ZFYVE28: variants seen among roughly 807,000 people sequenced by gnomAD.
ZFYVE28 encodes lateral signaling target protein 2 homolog.
A neutral mutation model predicts 82.1 loss-of-function variants in ZFYVE28; 40 were observed. The observed-to-expected ratio is 0.49, with a 90% CI of 0.38 to 0.63. ZFYVE28 has a LOEUF of 0.63. ZFYVE28 is among the 30% of genes least tolerant of loss of function. The pLI is 0.00. For synonymous variants in ZFYVE28, 612 were observed against 546.1 expected, an observed-to-expected ratio of 1.12 and a Z score of -1.68; for missense variants, 1,321 against 1,242.1, an observed-to-expected ratio of 1.06 and a Z score of -0.96.
chr4:2,353,339 C>T (rs918332146), intron 2 of ZFYVE28, among the ~76,000 whole-genome samples: 4 of 152,180 alleles, frequency 2.6e-5, no homozygotes, highest in Non-Finnish European at 4.4e-5. Flanking sequence ...CTCCCATGGC[C>T]GCAAGGATTC....
chr4:2,303,750 C>T (rs568730336), intron 8 of ZFYVE28, among the ~76,000 whole-genome samples: 1 of 152,294 alleles, frequency 6.6e-6, no homozygotes, highest in South Asian at 2.1e-4. Context: ...GGGAATTTGC[C>T]CATGGGTGGT....
chr4:2,329,048 T>A lies in ZFYVE28; in HGVS notation c.701+6657A>T, dbSNP rs1004087515. Reference sequence around the variant, plus strand: ...TAGTAAGTTTTGAAATCAGGACGTATGAATCTTCCAATTTTGTTTTTGTTT... The same window carrying A: ...TAGTAAGTTTTGAAATCAGGACGTAAGAATCTTCCAATTTTGTTTTTGTTT... On this transcript the variant is annotated intron_variant, in intron 6 of 12. Transcript: ENST00000290974. 8 of 691,196 alleles carry A rather than the reference T, an allele frequency of 1.2e-5. No individual in the cohort carries two copies. The African/African-American group carries it at 1.4e-4, about 12-fold the overall frequency. The allele number at this position is 691,196 out of a possible 1,614,324, so 42.8% of individuals were successfully genotyped here. A position where few individuals can be genotyped will look rare whatever the true frequency, so the allele number is the denominator to read the frequency against.
intron 1 of ZFYVE28, among the ~76,000 whole-genome samples, chr4:2,374,874 C>G (rs1482483447): frequency 6.6e-6 from 1 of 152,176 alleles, no homozygotes; most frequent in African/African-American, 2.4e-5. Context: ...ATGCCACATT[C>G]GGCTCCTCCT....
chr4:2,388,884 C>CG (rs1469166791), intron 1 of ZFYVE28, among the ~76,000 whole-genome samples: 1 of 152,134 alleles, frequency 6.6e-6, no homozygotes, highest in Admixed American at 6.5e-5. Context: ...AATTTCAACC[C>CG]GAAATCTAGG....
At chr4:2,412,778 T>C (rs1321738097) in intron 1 of ZFYVE28, among the ~76,000 whole-genome samples, 1 of 152,052 alleles carries the variant, frequency 6.6e-6, no homozygotes, top group Non-Finnish European at 1.5e-5. Context: ...ACATCCGGTA[T>C]TCTGGGAATT....
rs114728265 is a variant in ZFYVE28, at chr4:2,309,774, G to A, written c.804-4238C>T. On this transcript the variant is annotated intron_variant, in intron 7 of 12. Transcript: ENST00000290974. ...ACAACACACACACAGAGATACGCAC[G>A]GACGAAATCTGTTTCTATATCTATC... 8.3e-3 allele frequency among the ~76,000 whole-genome samples: 1,256 copies of A among 152,238 alleles called. 10 individuals carry two copies. The highest frequency in any genetic ancestry group is 0.013 in the Admixed American group (201 of 15,296).
At chr4:2,285,483 C>T (rs1712586928) in intron 8 of ZFYVE28, 1 of 152,308 alleles carries the variant, frequency 6.6e-6, no homozygotes, top group African/African-American at 2.4e-5. Flanking sequence ...AAGCTGATTT[C>T]TTCTGAGCAG....
Position 2,304,457 on chromosome 4 carries a change from G to T in ZFYVE28, c.1883C>A (p.Ala628Asp), listed in dbSNP as rs1028670355. 3 of 1,613,592 alleles carry T rather than the reference G, an allele frequency of 1.9e-6. No individual in the cohort carries two copies. Among genetic ancestry groups the T allele is most frequent in the Non-Finnish European group, 1.7e-6 (2 of 1,179,944 alleles). The change falls in exon 8 of 13, where the codon GCC (alanine) becomes GAC (aspartate). Residue 628 changes from alanine (A) to aspartate (D), a missense_variant. Physicochemically the swap from Ala to Asp is moderately radical, Grantham distance 126 (BLOSUM62 -2). This residue lies in a region of ZFYVE28 where 978 missense variants were observed against 833.7 expected (regional missense o/e 1.17). Coordinates refer to ENST00000290974, the MANE Select transcript of ZFYVE28 (RefSeq NM_020972.3). ...EDASNGREPKAPTSDKCLPHT... is the reference protein window; with the variant it reads ...EDASNGREPKDPTSDKCLPHT... ...AGGCAGGCACTTGTCGGAAGTGGGGGCTTTGGGCTCCCGCCCGTTGGAGGC... is the reference window on the plus strand; with the variant it reads ...AGGCAGGCACTTGTCGGAAGTGGGGTCTTTGGGCTCCCGCCCGTTGGAGGC...
At chr4:2,289,946 A>G (rs1713348104) in intron 8 of ZFYVE28, among the ~76,000 whole-genome samples, 1 of 151,864 alleles carries the variant, frequency 6.6e-6, no homozygotes. Flanking sequence ...AGCACTCCTC[A>G]CCCCAGGGAT....
In ZFYVE28 at chr4:2,417,110, G is replaced by A. The variant is rs1255475323; in HGVS notation, c.39+1175C>T. Among the ~76,000 whole-genome samples, 3 of 152,232 alleles carry A rather than the reference G, an allele frequency of 2.0e-5. No homozygotes were observed. Among genetic ancestry groups the A allele is most frequent in the Non-Finnish European group, 4.4e-5 (3 of 68,038 alleles). ...GGAGAAAGGCGGCCAGTGGAGGGAG[G>A]AGGGGTAGGTCGGCAACGCGGTGGC... On this transcript the variant is annotated intron_variant, in intron 1 of 12. Coordinates refer to ENST00000290974, the MANE Select transcript of ZFYVE28 (RefSeq NM_020972.3). The surrounding 1 kb of genome is among the most constrained non-coding windows in gnomAD (Gnocchi z 4.8).
At chr4:2,395,413 A>G (rs1730333177) in intron 1 of ZFYVE28, among the ~76,000 whole-genome samples, 1 of 152,186 alleles carries the variant, frequency 6.6e-6, no homozygotes, top group Non-Finnish European at 1.5e-5. Context: ...TGCTCCATCC[A>G]ATTAGGCCCC....
chr4:2,334,422 C>A (rs539507334), intron 6 of ZFYVE28, among the ~76,000 whole-genome samples: 1 of 151,984 alleles, frequency 6.6e-6, no homozygotes, highest in Non-Finnish European at 1.5e-5. Context: ...CAGGCCCCGC[C>A]GCTGGCCCTA....
At chr4:2,277,998 CGA>C (rs2108801210) in intron 8 of ZFYVE28, among the ~76,000 whole-genome samples, 1 of 152,194 alleles carries the variant, frequency 6.6e-6, no homozygotes, top group East Asian at 1.9e-4. Context: ...CCAATGAGAC[CGA>C]GAGTCCGCAA....
At chr4:2,298,909 A>G (rs893476731) in intron 8 of ZFYVE28, among the ~76,000 whole-genome samples, 2 of 152,150 alleles carry the variant, frequency 1.3e-5, no homozygotes, top group Non-Finnish European at 2.9e-5. Context: ...GATGGCAAAA[A>G]ACAAAACCCA....
intron 7 of ZFYVE28, among the ~76,000 whole-genome samples, chr4:2,316,838 G>A (rs1297359050): frequency 1.3e-5 from 2 of 151,820 alleles, no homozygotes; most frequent in Non-Finnish European, 2.9e-5. Context: ...GACTACAGGT[G>A]CGCACCACCA....
At chr4:2,385,796 C>T (rs1729196930) in intron 1 of ZFYVE28, among the ~76,000 whole-genome samples, 1 of 152,222 alleles carries the variant, frequency 6.6e-6, no homozygotes, top group African/African-American at 2.4e-5. Context: ...CTCACACCCC[C>T]ACTCCAGTGC....
At chr4:2,411,702 T>C (rs1170830492) in intron 1 of ZFYVE28, among the ~76,000 whole-genome samples, 1 of 152,216 alleles carries the variant, frequency 6.6e-6, no homozygotes, top group African/African-American at 2.4e-5. Flanking sequence ...AGACCCCATT[T>C]GTAAAACAGG....
At chr4:2,271,852 T>G in intron 10 of ZFYVE28, 73 bp from the exon 11 acceptor site, 1 of 1,386,276 alleles carries the variant, frequency 7.2e-7, no homozygotes, top group Non-Finnish European at 1.0e-6. Context: ...CTGCACTTGC[T>G]GGGCACAGCT....
chr4:2,327,997 G>A (rs1361598216), intron 6 of ZFYVE28, among the ~76,000 whole-genome samples: 1 of 152,206 alleles, frequency 6.6e-6, no homozygotes, highest in Non-Finnish European at 1.5e-5. Context: ...AAACAGTATA[G>A]AGGTTCCTCA....
Sources: gnomAD v4.1 joint callset for allele counts (sites outside exome capture counted in the v4.1 genomes callset) on GRCh38, gnomAD v4.1.1 for gene constraint, gnomAD v4.1.1 regional missense constraint, Gnocchi (gnomAD v3.1) non-coding constraint, MANE v1.5 for transcripts, NCBI Gene and HGNC (gene_info 2026-07-23, HGNC 2026-07-21) for gene names.